The following ATP10D variants were observed in gnomAD, a reference collection of about 807,000 sequenced individuals.
ATP10D encodes the protein ATPase phospholipid transporting 10D (putative).
In ATP10D, 89 loss-of-function variants were observed where a neutral mutation model predicts 144.8. The ratio of observed to expected loss-of-function variants is 0.61; its 90% confidence interval spans 0.52 to 0.73. ATP10D has a LOEUF of 0.73. ATP10D is among the 30% of genes least tolerant of loss of function. The pLI is 0.00. For missense variants in ATP10D, 1,603 were observed against 1,714.8 expected, an observed-to-expected ratio of 0.93 and a Z score of 1.15; for synonymous variants, 571 against 615.1, an observed-to-expected ratio of 0.93 and a Z score of 1.06.
chr4:47,497,666 A>G (rs752516770), intron 1 of ATP10D, among the ~76,000 whole-genome samples: 2 of 152,216 alleles, frequency 1.3e-5, no homozygotes, highest in Non-Finnish European at 2.9e-5. Context: ...ATTGACTTAA[A>G]TAATTTATGA....
intron 9 of ATP10D, among the ~76,000 whole-genome samples, chr4:47,540,332 T>C (rs1016977922): frequency 3.3e-5 from 5 of 152,186 alleles, no homozygotes; most frequent in Non-Finnish European, 7.3e-5. Context: ...ACAACACCAT[T>C]GTATATTTTA....
chr4:47,543,809 A>G (rs901954705), intron 9 of ATP10D, among the ~76,000 whole-genome samples: 25 of 149,976 alleles, frequency 1.7e-4, no homozygotes, highest in African/African-American at 5.7e-4. Context: ...GAAGATAAAA[A>G]GGAAATAGGT....
intron 1 of ATP10D, among the ~76,000 whole-genome samples, chr4:47,496,879 C>T (rs1217588501): frequency 6.6e-6 from 1 of 151,878 alleles, no homozygotes; most frequent in Non-Finnish European, 1.5e-5. Flanking sequence ...TTTCACTCTA[C>T]TGCCCAGGCT....
intron 1 of ATP10D, among the ~76,000 whole-genome samples, chr4:47,492,183 T>G (rs570485162): frequency 6.6e-6 from 1 of 152,202 alleles, no homozygotes; most frequent in African/African-American, 2.4e-5. Context: ...ATAAATCTCT[T>G]TACAAAATTG....
Position 47,554,994 on chromosome 4 carries a change from A to T in ATP10D, c.1824+80A>T. 2.6e-6 allele frequency: 3 copies of T among 1,159,378 alleles called. No individual in the cohort carries two copies. The South Asian group carries it at 4.3e-5, about 17-fold the overall frequency. 71.8% of individuals were successfully genotyped at this position (1,159,378 alleles called of 1,614,324 possible). ...TTTAAATGTATCTGTACTGAGCTTG[A>T]TATATGGATAAAAATGATAAATAAT... On this transcript the variant is annotated intron_variant, in intron 11 of 22. Transcript: ENST00000273859.
intron 4 of ATP10D, among the ~76,000 whole-genome samples, chr4:47,523,619 C>A (rs774530818): frequency 6.6e-6 from 1 of 152,100 alleles, no homozygotes; most frequent in Admixed American, 6.5e-5. Context: ...ATTGTGCAGA[C>A]GGAAACAGAA....
intron 9 of ATP10D, 150 bp from the exon 10 acceptor site, chr4:47,546,474 A>G (rs1240790593): frequency 7.1e-6 from 5 of 702,168 alleles, no homozygotes; most frequent in Non-Finnish European, 1.2e-5. Flanking sequence ...AGGTAAGTTC[A>G]TTGACCAAGG....
Position 47,512,494 on chromosome 4 carries a change from T to C in ATP10D, c.-37-10T>C. On this transcript the variant is annotated splice_polypyrimidine_tract_variant and intron_variant, in intron 1 of 22. Coordinates refer to ENST00000273859, the MANE Select transcript of ATP10D (RefSeq NM_020453.4). ...AGCTCATGGAAGTGTGGTTTTTGTT[T>C]GTTTGCCAGGTCAGCTACACAACCT... 4 of 1,529,696 alleles carry C rather than the reference T, an allele frequency of 2.6e-6. No homozygotes were observed. Among genetic ancestry groups the C allele is most frequent in the South Asian group, 1.2e-5 (1 of 80,692 alleles). The allele number at this position is 1,529,696 out of a possible 1,614,324, so 94.8% of individuals were successfully genotyped here.
rs984020501 is a variant in ATP10D, at chr4:47,525,734, C to T, written c.776+92C>T. On this transcript the variant is annotated intron_variant, in intron 5 of 22. Transcript: ENST00000273859. Reference sequence around the variant, plus strand: ...GATAAAGTGTTTCTGTGCTTATACCCTTGTTAAATCACTAAAGGTCGTAAC... The same window carrying T: ...GATAAAGTGTTTCTGTGCTTATACCTTTGTTAAATCACTAAAGGTCGTAAC... 3.8e-6 allele frequency: 4 copies of T among 1,056,506 alleles called. No individual in the cohort carries two copies. The African/African-American group carries it at 6.4e-5, about 17-fold the overall frequency. 65.4% of individuals were successfully genotyped at this position (1,056,506 alleles called of 1,614,324 possible).
In ATP10D at chr4:47,487,211, A is replaced by C. The variant is rs1488730191; in HGVS notation, c.-38+1692A>C. On this transcript the variant is annotated intron_variant, in intron 1 of 22. Coordinates refer to ENST00000273859, the MANE Select transcript of ATP10D (RefSeq NM_020453.4). ...GCCATTGCACTCCAGCCTGGGCAACAAGAGCAAAACTCCGTCCCCCAAAAA... is the reference window on the plus strand; with the variant it reads ...GCCATTGCACTCCAGCCTGGGCAACCAGAGCAAAACTCCGTCCCCCAAAAA... Among the ~76,000 whole-genome samples the C allele has an allele frequency of 2.9e-5, 4 of 140,014 alleles. No homozygotes were observed. The Admixed American group carries it at 3.0e-4, about 10-fold the overall frequency. 91.9% of individuals were successfully genotyped at this position (140,014 alleles called of 152,430 possible).
At chr4:47,503,781 C>T (rs1488468445) in intron 1 of ATP10D, among the ~76,000 whole-genome samples, 2 of 152,032 alleles carry the variant, frequency 1.3e-5, no homozygotes, top group Admixed American at 1.3e-4. Context: ...TGCCTGTCAT[C>T]CCAGCTACTT....
intron 9 of ATP10D, among the ~76,000 whole-genome samples, chr4:47,545,426 G>GA (rs1336470812): frequency 1.3e-5 from 2 of 152,188 alleles, no homozygotes; most frequent in Non-Finnish European, 2.9e-5. Context: ...GCTACTATTT[G>GA]AAAAATGGAT....
Position 47,515,686 on chromosome 4 carries a change from C to G in ATP10D, c.485+16C>G. The G allele has an allele frequency of 6.4e-7, 1 of 1,555,120 alleles. No homozygotes were observed. Among genetic ancestry groups the G allele is most frequent in the Non-Finnish European group, 8.9e-7 (1 of 1,129,818 alleles). ...TTTATAGTAGGTAAGTGTAATGGGA[C>G]CTTTGCTAAGGACTATGTATGTATC... On this transcript the variant is annotated intron_variant, in intron 3 of 22. Transcript: ENST00000273859.
At chr4:47,537,187 G>A (rs10001204) in intron 9 of ATP10D, among the ~76,000 whole-genome samples, 2,886 of 152,234 alleles carry the variant, frequency 0.019, 89 homozygotes, top group African/African-American at 0.066. Context: ...GGTGGGAATT[G>A]GAGGGATGAC....
chr4:47,563,854 AAC>A (rs1477676740), intron 15 of ATP10D, 89 bp downstream of exon 15: 14 of 1,238,908 alleles, frequency 1.1e-5, no homozygotes, highest in Non-Finnish European at 1.5e-5. Flanking sequence ...TTAAAAAAAA[AAC>A]AAAACAGCAA....
At chr4:47,495,287 G>A (rs975086308) in intron 1 of ATP10D, among the ~76,000 whole-genome samples, 2 of 151,738 alleles carry the variant, frequency 1.3e-5, no homozygotes, top group Non-Finnish European at 2.9e-5. Flanking sequence ...GAAGCAGCAC[G>A]CTTGGCTTGC....
At chr4:47,492,193 G>A (rs1342933193) in intron 1 of ATP10D, among the ~76,000 whole-genome samples, 2 of 152,208 alleles carry the variant, frequency 1.3e-5, no homozygotes, top group African/African-American at 4.8e-5. Context: ...TTACAAAATT[G>A]TGTGAGGTGG....
At chr4:47,512,390 A>G (rs1716381546) in intron 1 of ATP10D, 114 bp from the exon 2 acceptor site, 1 of 657,032 alleles carries the variant, frequency 1.5e-6, no homozygotes, top group Non-Finnish European at 2.5e-6. Context: ...TTTCTCCCTT[A>G]CATGTTGAAC....
intron 15 of ATP10D, among the ~76,000 whole-genome samples, chr4:47,566,311 C>T (rs555826636): frequency 2.0e-5 from 3 of 152,206 alleles, no homozygotes; most frequent in Admixed American, 1.3e-4. Flanking sequence ...TAGTCATATC[C>T]TGTTTGTAAC....
Sources: gnomAD v4.1 joint callset for allele counts (sites outside exome capture counted in the v4.1 genomes callset) on GRCh38, gnomAD v4.1.1 for gene constraint, MANE v1.5 for transcripts, NCBI Gene and HGNC (gene_info 2026-07-23, HGNC 2026-07-21) for gene names.